Variants in GPR176 observed in about 807,000 individuals in gnomAD.
GPR176 encodes the protein G-protein coupled receptor 176.
GPR176 carries 26 observed loss-of-function variants against 35.4 expected under a neutral mutation model. The observed-to-expected ratio is 0.74, with a 90% CI of 0.54 to 1.02. GPR176 has a LOEUF of 1.02. Among genes scored for constraint, GPR176 ranks in the 50% least tolerant of loss-of-function variants. The pLI is 0.00. For missense variants in GPR176, 597 were observed against 665.3 expected (o/e 0.90, Z 1.13); for synonymous variants, 278 against 271.3 (o/e 1.02, Z -0.24).
chr15:39,821,301 T>C (rs1280173142), intron 1 of GPR176, among the ~76,000 whole-genome samples: 1 of 152,230 alleles, frequency 6.6e-6, no homozygotes, highest in East Asian at 1.9e-4. Flanking sequence ...GAATTTTCTA[T>C]CCTGGGAAAG....
In GPR176 at chr15:39,920,171, A is replaced by T; in HGVS notation, c.-145T>A. 1 of 488,942 alleles carries T rather than the reference A, an allele frequency of 2.0e-6. No individual in the cohort carries two copies. The highest frequency in any genetic ancestry group is 3.3e-6 in the Non-Finnish European group (1 of 306,798). The allele number at this position is 488,942 out of a possible 1,614,324, so 30.3% of individuals were successfully genotyped here. On this transcript the variant is annotated 5_prime_UTR_variant, in exon 1 of 3. Coordinates refer to ENST00000561100, the MANE Select transcript of GPR176 (RefSeq NM_007223.3). ...AGCCGACGGGTCCCCTCACGTCTCC[A>T]CATCGCCAACCCCGGCGCCCGGGAG...
At position 39,801,685 on chromosome 15, in the gene GPR176, A is replaced by G. The variant is rs1898875768; in HGVS notation, c.995T>C (p.Ile332Thr). 4 of 1,613,726 alleles carry G rather than the reference A, an allele frequency of 2.5e-6. No homozygotes were observed. The highest frequency in any genetic ancestry group is 3.4e-6 in the Non-Finnish European group (4 of 1,179,794). ...GTGGTGTAGTTGCACCAGGGTCCCT[A>G]TCAAGCACTTGCGGACAGATTTGTT... ...TVNKSVRKCL[I>T]GTLVQLHHRY... The change falls in exon 3 of 3, where the codon ATA (isoleucine) becomes ACA (threonine). Residue 332 changes from isoleucine to threonine, a missense_variant. Transcript: ENST00000561100.
chr15:39,810,778 A>T (rs919052833), intron 1 of GPR176, among the ~76,000 whole-genome samples: 2 of 152,260 alleles, frequency 1.3e-5, no homozygotes, highest in African/African-American at 4.8e-5. Context: ...GAGGGAGGCC[A>T]AAGTGGATCG....
At chr15:39,863,919 A>G (rs960251474) in intron 1 of GPR176, among the ~76,000 whole-genome samples, 1 of 152,218 alleles carries the variant, frequency 6.6e-6, no homozygotes, top group Non-Finnish European at 1.5e-5. Flanking sequence ...TAAGCAAAGC[A>G]TGACTATGTA....
chr15:39,911,407 G>A (rs1204783248), intron 1 of GPR176, among the ~76,000 whole-genome samples: 1 of 152,228 alleles, frequency 6.6e-6, no homozygotes, highest in Non-Finnish European at 1.5e-5. Context: ...TTATGGTGAA[G>A]CAAGTTTTCA....
intron 1 of GPR176, among the ~76,000 whole-genome samples, chr15:39,914,301 A>G (rs1308315111): frequency 7.0e-6 from 1 of 142,832 alleles, no homozygotes; most frequent in Non-Finnish European, 1.5e-5. Context: ...AATTCAGGAT[A>G]TCTTATTCTT....
chr15:39,859,500 A>C (rs112791680), intron 1 of GPR176, among the ~76,000 whole-genome samples: 4 of 151,938 alleles, frequency 2.6e-5, no homozygotes, highest in East Asian at 1.9e-4. Context: ...TGAAAAAAAA[A>C]AAAACAAAAC....
rs1193116739 is a variant in GPR176, at chr15:39,825,332, T to C, written c.173-18074A>G. Among the ~76,000 whole-genome samples the C allele has an allele frequency of 7.9e-5, 12 of 152,332 alleles. No individual in the cohort carries two copies. The East Asian group carries it at 1.7e-3, about 22-fold the overall frequency. On this transcript the variant is annotated intron_variant, in intron 1 of 2. Coordinates refer to ENST00000561100, the MANE Select transcript of GPR176 (RefSeq NM_007223.3). ...TACATGTCTCTGTGAATATATACAC[T>C]TATATACTTAATTTTATGTAAGTGG...
chr15:39,829,998 T>G (rs1490024604), intron 1 of GPR176, among the ~76,000 whole-genome samples: 1 of 151,670 alleles, frequency 6.6e-6, no homozygotes, highest in Non-Finnish European at 1.5e-5. Context: ...AATATATATA[T>G]ACACATTCCC....
chr15:39,866,072 T>C (rs1349145973), intron 1 of GPR176, among the ~76,000 whole-genome samples: 1 of 152,058 alleles, frequency 6.6e-6, no homozygotes, highest in East Asian at 1.9e-4. Flanking sequence ...CCAAGACATA[T>C]TGTTAAGTGA....
chr15:39,904,625 C>T (rs1413200780), intron 1 of GPR176, among the ~76,000 whole-genome samples: 1 of 152,136 alleles, frequency 6.6e-6, no homozygotes, highest in African/African-American at 2.4e-5. Flanking sequence ...AATTGGGGTT[C>T]ACTGTGAATT....
chr15:39,838,422 G>A (rs1595466945), intron 1 of GPR176, among the ~76,000 whole-genome samples: 1 of 152,088 alleles, frequency 6.6e-6, no homozygotes, highest in African/African-American at 2.4e-5. Context: ...ATGACTTACT[G>A]ATTCTTAATT....
chr15:39,883,500 C>T (rs2032559299), intron 1 of GPR176, among the ~76,000 whole-genome samples: 1 of 152,120 alleles, frequency 6.6e-6, no homozygotes, highest in East Asian at 1.9e-4. Flanking sequence ...GAAGGAAAGA[C>T]AAATATATCC....
At chr15:39,820,003 A>G (rs1900161902) in intron 1 of GPR176, among the ~76,000 whole-genome samples, 1 of 152,212 alleles carries the variant, frequency 6.6e-6, no homozygotes, top group Non-Finnish European at 1.5e-5. Context: ...GGCAGGAGAA[A>G]AAGGAGAGGC....
rs1432548177 is a variant in GPR176, at chr15:39,835,475, A to G, written c.173-28217T>C. On this transcript the variant is annotated intron_variant, in intron 1 of 2. Transcript: ENST00000561100. Reference sequence around the variant, plus strand: ...CAAAGAAGTTTTTCTGTCTCATATAAAAATCCAAGAGATAGTCCAGGACTG... The same window carrying G: ...CAAAGAAGTTTTTCTGTCTCATATAGAAATCCAAGAGATAGTCCAGGACTG... Among the ~76,000 whole-genome samples, 3 of 152,108 alleles carry G rather than the reference A, an allele frequency of 2.0e-5. No homozygotes were observed. In the East Asian group the frequency reaches 5.8e-4, roughly 29 times the overall value.
At chr15:39,803,624 T>C (rs1000843078) in intron 2 of GPR176, among the ~76,000 whole-genome samples, 1 of 152,174 alleles carries the variant, frequency 6.6e-6, no homozygotes. Flanking sequence ...CACCAGGTCC[T>C]GTGCCTGGCA....
intron 1 of GPR176, among the ~76,000 whole-genome samples, chr15:39,907,387 C>T (rs911355083): frequency 1.3e-5 from 2 of 152,220 alleles, no homozygotes; most frequent in Admixed American, 6.5e-5. Context: ...CCGCTCTGCC[C>T]TCCAAGCCCT....
chr15:39,880,030 T>A (rs1187021644), intron 1 of GPR176, among the ~76,000 whole-genome samples: 1 of 152,202 alleles, frequency 6.6e-6, no homozygotes, highest in Non-Finnish European at 1.5e-5. Context: ...CAAATGAACT[T>A]AACCTGCTCT....
At position 39,801,873 on chromosome 15, in the gene GPR176, G is replaced by C. The variant is rs143810678; in HGVS notation, c.807C>G (p.Leu269=). 1.4e-5 allele frequency: 22 copies of C among 1,613,984 alleles called. No homozygotes were observed. The African/African-American group carries it at 2.7e-4, about 20-fold the overall frequency. The change falls in exon 3 of 3, where the codon CTC becomes CTG. Residue 269 remains leucine (L), a synonymous_variant. Coordinates refer to ENST00000561100, the MANE Select transcript of GPR176 (RefSeq NM_007223.3). The stretch of plus-strand genomic sequence containing the variant: ...ACAAGATGAAGACCATCACCATGGA[G>C]AGCAGGGTGGCGTGCAGCTCGGCCT... The part of the protein sequence containing the change: ...QREAELHATL[L]SMVMVFILCS...
Sources: gnomAD v4.1 joint callset for allele counts (sites outside exome capture counted in the v4.1 genomes callset) on GRCh38, gnomAD v4.1.1 for gene constraint, MANE v1.5 for transcripts, NCBI Gene and HGNC (gene_info 2026-07-23, HGNC 2026-07-21) for gene names.